ATP6V1C2: variants seen among roughly 807,000 people sequenced by gnomAD.
ATP6V1C2 encodes the protein ATPase H+ transporting V1 subunit C2, also known as V-type proton ATPase subunit C 2.
A neutral mutation model predicts 56.8 loss-of-function variants in ATP6V1C2; 45 were observed. That is an observed-to-expected ratio of 0.79 (90% CI 0.62 to 1.02). The LOEUF (loss-of-function observed/expected upper bound fraction) is 1.02, where lower values mean the gene tolerates loss of function less well. Among genes scored for constraint, ATP6V1C2 ranks in the 50% least tolerant of loss-of-function variants. The pLI, the probability that ATP6V1C2 is intolerant of heterozygous loss-of-function variation, is 0.00. For synonymous variants in ATP6V1C2, 220 were observed against 201.3 expected (o/e 1.09, Z -0.79); for missense variants, 463 against 519.7 (o/e 0.89, Z 1.06).
At chr2:10,731,362 A>C (rs1558387260) in intron 3 of ATP6V1C2, among the ~76,000 whole-genome samples, 1 of 152,188 alleles carries the variant, frequency 6.6e-6, no homozygotes, top group African/African-American at 2.4e-5. Flanking sequence ...AGTATTATCA[A>C]ATCTCAGGGC....
At chr2:10,770,519 C>T (rs1408979294) in intron 6 of ATP6V1C2, among the ~76,000 whole-genome samples, 1 of 152,230 alleles carries the variant, frequency 6.6e-6, no homozygotes, top group East Asian at 1.9e-4. Flanking sequence ...GCAGAGAGCC[C>T]TAAGGGGATG....
intron 8 of ATP6V1C2, among the ~76,000 whole-genome samples, chr2:10,774,329 G>A (rs1664818338): frequency 6.6e-6 from 1 of 152,236 alleles, no homozygotes; most frequent in Admixed American, 6.5e-5. Context: ...TAGAGACAGT[G>A]GCCCCAGTGG....
At chr2:10,757,489 T>G in intron 4 of ATP6V1C2, 1 of 398,656 alleles carries the variant, frequency 2.5e-6, no homozygotes, top group Non-Finnish European at 4.4e-6. Context: ...TGTCTGTGCT[T>G]GGCGTGATGC....
At chr2:10,782,750 G>C (rs1665449266) in intron 13 of ATP6V1C2, among the ~76,000 whole-genome samples, 2 of 142,122 alleles carry the variant, frequency 1.4e-5, no homozygotes, top group East Asian at 4.5e-4. Flanking sequence ...AGAATCGCTT[G>C]AACCTGGGAG....
intron 5 of ATP6V1C2, among the ~76,000 whole-genome samples, chr2:10,765,255 A>T (rs757172564): frequency 1.5e-4 from 23 of 152,308 alleles, no homozygotes; most frequent in Admixed American, 4.6e-4. Flanking sequence ...CTCGAGTCCC[A>T]GGGGATGCTA....
intron 5 of ATP6V1C2, 128 bp from the exon 6 acceptor site, chr2:10,768,591 C>T (rs1558417242): frequency 5.3e-6 from 4 of 749,716 alleles, no homozygotes; most frequent in East Asian, 2.6e-5. Flanking sequence ...AAACAGAAGC[C>T]ATCCCAGCAA....
intron 3 of ATP6V1C2, among the ~76,000 whole-genome samples, chr2:10,734,692 G>T (rs1052649728): frequency 3.9e-5 from 6 of 152,072 alleles, no homozygotes; most frequent in Non-Finnish European, 8.8e-5. Context: ...TGCCTGTCTG[G>T]GTCCATCTGC....
At chr2:10,765,596 G>A (rs902887900) in intron 5 of ATP6V1C2, among the ~76,000 whole-genome samples, 3 of 152,238 alleles carry the variant, frequency 2.0e-5, no homozygotes, top group Non-Finnish European at 4.4e-5. Context: ...GGGGCACCTC[G>A]GGTGCTGCTT....
intron 1 of ATP6V1C2, 110 bp from the exon 2 acceptor site, chr2:10,722,714 A>C (rs964064254): frequency 1.2e-5 from 15 of 1,227,382 alleles, no homozygotes; most frequent in Non-Finnish European, 1.4e-5. Flanking sequence ...ATGTCCTTGG[A>C]GCTCATCCTA....
At position 10,780,844 on chromosome 2, in the gene ATP6V1C2, A is replaced by G. The variant is rs999775693; in HGVS notation, c.1062-1399A>G. 6.6e-6 allele frequency among the ~76,000 whole-genome samples: 1 copy of G among 152,006 alleles called. No individual in the cohort carries two copies. The highest frequency in any genetic ancestry group is 2.4e-5 in the African/African-American group (1 of 41,362). On this transcript the variant is annotated intron_variant, in intron 12 of 13. Coordinates refer to ENST00000272238, the MANE Select transcript of ATP6V1C2 (RefSeq NM_001039362.2). The surrounding 1 kb of genome is among the most constrained non-coding windows in gnomAD (Gnocchi z 4.1). ...CTGCGACCTCCACCTCCCAGGTTCA[A>G]GCAATTCTCCTGCCTCAGCCTCCCC...
At chr2:10,733,253 G>A (rs915633158) in intron 3 of ATP6V1C2, among the ~76,000 whole-genome samples, 4 of 152,134 alleles carry the variant, frequency 2.6e-5, no homozygotes, top group Admixed American at 2.6e-4. Context: ...GTTGGGAGTT[G>A]GTAGAGGTTG....
At chr2:10,782,178 C>G in intron 12 of ATP6V1C2, 65 bp from the exon 13 acceptor site, 1 of 1,583,686 alleles carries the variant, frequency 6.3e-7, no homozygotes, top group Non-Finnish European at 8.6e-7. Context: ...TGTTTCTGGT[C>G]AGGTTCCTTC....
In ATP6V1C2 at chr2:10,725,304, ATTTGGG is replaced by A. The variant is rs201635187; in HGVS notation, c.130-1197_130-1192del. Among the ~76,000 whole-genome samples the A allele has an allele frequency of 6.4e-3, 973 of 151,404 alleles. 15 individuals carry two copies. Among genetic ancestry groups the A allele is most frequent in the African/African-American group, 0.022 (923 of 41,348 alleles). On this transcript the variant is annotated intron_variant, in intron 2 of 13. Transcript: ENST00000272238. The stretch of plus-strand genomic sequence containing the variant: ...GGGGCACATGCCTGTAATACCAGCT[ATTTGGG>A]AGGCTGAGGCAGAAGAATCACTTGA...
intron 12 of ATP6V1C2, among the ~76,000 whole-genome samples, chr2:10,779,105 C>T (rs919519298): frequency 2.7e-5 from 4 of 147,062 alleles, no homozygotes; most frequent in African/African-American, 7.4e-5. Flanking sequence ...CTTATTTTGC[C>T]TTTTTTTTTT....
chr2:10,761,684 C>T (rs1414919423), intron 4 of ATP6V1C2, among the ~76,000 whole-genome samples: 1 of 152,194 alleles, frequency 6.6e-6, no homozygotes, highest in Non-Finnish European at 1.5e-5. Context: ...CTTGCTGCAT[C>T]GTCCCATGGC....
At chr2:10,757,016 T>G (rs866027294) in intron 4 of ATP6V1C2, among the ~76,000 whole-genome samples, 22,899 of 130,036 alleles carry the variant, frequency 0.18, 2,020 homozygotes, top group East Asian at 0.34. Context: ...TTTTTTTTTT[T>G]TTTTTTTTTT....
In ATP6V1C2 at chr2:10,777,472, G is replaced by A. The variant is rs1386774601; in HGVS notation, c.826-113G>A. Reference sequence around the variant, plus strand: ...TCTAGCCAGCACGCGAGTCCCGAGGGTGGGCCTGAATTCCTGAGCTTGCTC... The same window carrying A: ...TCTAGCCAGCACGCGAGTCCCGAGGATGGGCCTGAATTCCTGAGCTTGCTC... On this transcript the variant is annotated intron_variant, in intron 10 of 13. Transcript: ENST00000272238. The A allele has an allele frequency of 4.3e-6, 6 of 1,401,628 alleles. No individual in the cohort carries two copies. In the Middle Eastern group the frequency reaches 5.8e-4, roughly 136 times the overall value. 86.8% of individuals were successfully genotyped at this position (1,401,628 alleles called of 1,614,324 possible). A position where few individuals can be genotyped will look rare whatever the true frequency, so the allele number is the denominator to read the frequency against.
chr2:10,776,659 C>T (rs1011530134), intron 10 of ATP6V1C2, among the ~76,000 whole-genome samples: 12 of 152,220 alleles, frequency 7.9e-5, no homozygotes, highest in Non-Finnish European at 1.0e-4. Flanking sequence ...TATCTCTGGA[C>T]GGGGCTAGAC....
intron 5 of ATP6V1C2, among the ~76,000 whole-genome samples, 167 bp from the exon 6 acceptor site, chr2:10,768,550 CAG>C (rs1412724811): frequency 6.6e-6 from 1 of 152,222 alleles, no homozygotes; most frequent in African/African-American, 2.4e-5. Context: ...GGGTGCCACA[CAG>C]GGGCTCCCTG....
Sources: allele counts gnomAD v4.1 joint callset (sites outside exome capture counted in the v4.1 genomes callset), GRCh38; gene constraint gnomAD v4.1.1; non-coding constraint Gnocchi (gnomAD v3.1); transcripts MANE v1.5; gene names NCBI Gene and HGNC (gene_info 2026-07-23, HGNC 2026-07-21).